Variants in AKAP19 observed in about 807,000 individuals in gnomAD.
The protein encoded by AKAP19 is A-kinase anchoring protein 19, also known as small A-kinase anchoring protein.
chr2:190,165,478 A>C, the AKAP19 span, among the ~76,000 whole-genome samples: 1 of 152,162 alleles, frequency 6.6e-6, no homozygotes, highest in Non-Finnish European at 1.5e-5. Context: ...CTAAAACCAA[A>C]TAGAATTTCA....
the AKAP19 span, among the ~76,000 whole-genome samples, chr2:190,034,534 C>A: frequency 1.1e-3 from 76 of 68,240 alleles, no homozygotes; most frequent in African/African-American, 3.5e-3. Context: ...GGCTACAGTG[C>A]AAAAAAAAAA....
the AKAP19 span, among the ~76,000 whole-genome samples, chr2:190,017,808 AT>A: frequency 3.9e-5 from 6 of 151,990 alleles, no homozygotes; most frequent in South Asian, 2.1e-4. Context: ...AGCTTAAAGA[AT>A]TTTTTTTAGA....
the AKAP19 span, among the ~76,000 whole-genome samples, chr2:190,074,934 G>C: frequency 6.6e-6 from 1 of 152,150 alleles, no homozygotes; most frequent in Non-Finnish European, 1.5e-5. Context: ...GTAAATGTTG[G>C]TGTCAAACAT....
At chr2:190,092,031 T>C in the AKAP19 span, among the ~76,000 whole-genome samples, 6 of 152,218 alleles carry the variant, frequency 3.9e-5, no homozygotes. Context: ...TCATTAAACA[T>C]GACTATACTA....
At chr2:189,972,802 A>G in the AKAP19 span, among the ~76,000 whole-genome samples, 104 of 152,212 alleles carry the variant, frequency 6.8e-4, 1 homozygote, top group South Asian at 0.014. Flanking sequence ...TTGGTGTATA[A>G]GAATGCTTGT....
At chr2:190,166,317 C>CTTTTTTTTTTT in the AKAP19 span, among the ~76,000 whole-genome samples, 37 of 65,300 alleles carry the variant, frequency 5.7e-4, 1 homozygote, top group African/African-American at 1.1e-3. Flanking sequence ...AAAATCCACT[C>CTTTTTTTTTTT]TTTTTTTTTT....
At chr2:190,198,043 G>T in the AKAP19 span, among the ~76,000 whole-genome samples, 10 of 152,204 alleles carry the variant, frequency 6.6e-5, no homozygotes, top group Non-Finnish European at 1.3e-4. Flanking sequence ...TTCAGTTCAG[G>T]CTAGTAAACA....
chr2:189,894,014 A>G, the AKAP19 span, among the ~76,000 whole-genome samples: 1 of 152,212 alleles, frequency 6.6e-6, no homozygotes, highest in African/African-American at 2.4e-5. Flanking sequence ...TAGTACCATT[A>G]GGAAAGGCCA....
At chr2:190,084,219 C>T in the AKAP19 span, among the ~76,000 whole-genome samples, 2,175 of 151,820 alleles carry the variant, frequency 0.014, 47 homozygotes, top group African/African-American at 0.049. Context: ...CAGCCTCCCA[C>T]GTACCTGGGA....
chr2:190,069,370 ATT>A, the AKAP19 span, among the ~76,000 whole-genome samples: 1 of 152,262 alleles, frequency 6.6e-6, no homozygotes, highest in East Asian at 1.9e-4. Context: ...TTGGCAAATA[ATT>A]TGTCTTTAGT....
At chr2:190,098,443 AT>A in the AKAP19 span, among the ~76,000 whole-genome samples, 75 of 148,984 alleles carry the variant, frequency 5.0e-4, no homozygotes, top group Admixed American at 1.1e-3. Context: ...TGAAAGAAAT[AT>A]TTTTTTTTTT....
the AKAP19 span, among the ~76,000 whole-genome samples, chr2:189,894,642 T>A: frequency 6.6e-6 from 1 of 151,404 alleles, no homozygotes; most frequent in East Asian, 1.9e-4. Flanking sequence ...GTTTTCCTCT[T>A]AAATATTATT....
the AKAP19 span, among the ~76,000 whole-genome samples, chr2:189,966,319 C>A: frequency 6.6e-6 from 1 of 152,010 alleles, no homozygotes; most frequent in Non-Finnish European, 1.5e-5. Context: ...ACCACCTGTT[C>A]CCCCAAAACC....
chr2:189,965,654 T>C, the AKAP19 span, among the ~76,000 whole-genome samples: 1 of 150,676 alleles, frequency 6.6e-6, no homozygotes, highest in South Asian at 2.1e-4. Context: ...AAAAAATAGA[T>C]GTTGGTGTGG....
the AKAP19 span, among the ~76,000 whole-genome samples, chr2:190,086,891 C>T: frequency 6.6e-6 from 1 of 152,150 alleles, no homozygotes; most frequent in Non-Finnish European, 1.5e-5. Flanking sequence ...CTTGTTGGTT[C>T]AGTGCCTTGA....
At chr2:189,912,149 TC>T in the AKAP19 span, among the ~76,000 whole-genome samples, 1 of 152,172 alleles carries the variant, frequency 6.6e-6, no homozygotes, top group East Asian at 1.9e-4. Flanking sequence ...TTTGTTTTTT[TC>T]AGTTGTTTTT....
At chr2:190,172,278 C>T in the AKAP19 span, among the ~76,000 whole-genome samples, 1 of 152,180 alleles carries the variant, frequency 6.6e-6, no homozygotes, top group Non-Finnish European at 1.5e-5. Flanking sequence ...TTTCTGTCCT[C>T]TCCCACTATT....
chr2:190,033,542 G>A, the AKAP19 span, among the ~76,000 whole-genome samples: 1 of 152,078 alleles, frequency 6.6e-6, no homozygotes, highest in East Asian at 1.9e-4. Flanking sequence ...GTGAGGATGG[G>A]ACAAAACCAA....
At chr2:190,157,355 C>T in the AKAP19 span, among the ~76,000 whole-genome samples, 2 of 115,808 alleles carry the variant, frequency 1.7e-5, no homozygotes, top group African/African-American at 6.2e-5. Flanking sequence ...CAAATGACTC[C>T]CTAAACTTGT....
Sources: allele counts gnomAD v4.1 joint callset (sites outside exome capture counted in the v4.1 genomes callset), GRCh38; gene constraint gnomAD v4.1.1; transcripts MANE v1.5; gene names NCBI Gene and HGNC (gene_info 2026-07-23, HGNC 2026-07-21).